ZNF688: variants seen among roughly 807,000 people sequenced by gnomAD.
ZNF688 encodes the protein zinc finger protein 688.
A neutral mutation model predicts 13.2 loss-of-function variants in ZNF688; 10 were observed. The observed-to-expected ratio is 0.76, with a 90% CI of 0.47 to 1.28. ZNF688 has a LOEUF of 1.28. Among genes scored for constraint, ZNF688 ranks in the 50% most tolerant of loss-of-function variants. The pLI, the probability that ZNF688 is intolerant of heterozygous loss-of-function variation, is 0.00. For missense variants in ZNF688, 381 were observed against 391.4 expected (o/e 0.97, Z 0.22); for synonymous variants, 160 against 159.4 (o/e 1.00, Z -0.03).
Position 30,570,124 on chromosome 16 carries a change from T to TC in ZNF688, c.622dup (p.Glu208GlyfsTer51). 1.9e-6 allele frequency: 3 copies of TC among 1,611,188 alleles called. No homozygotes were observed. The highest frequency in any genetic ancestry group is 1.7e-6 in the Non-Finnish European group (2 of 1,178,784). ...ACACTCGGGGCAGGGGAAAGGCCGC[T>TC]CCCCCGAGTGCATGCGCCTGTGGCT... is the stretch of plus-strand genomic sequence containing the variant. On this transcript the variant is annotated frameshift_variant, in exon 3 of 3. Coordinates refer to ENST00000223459, the MANE Select transcript of ZNF688 (RefSeq NM_145271.4). LOFTEE classifies it high-confidence loss of function.
At chr16:30,573,910 GA>G, upstream of ZNF688, 2 of 353,874 alleles carry the variant, frequency 5.7e-6, no homozygotes, top group Non-Finnish European at 1.1e-5. Context: ...ATTATATAAG[GA>G]AAAATATATC....
rs967575710 is a variant in ZNF688, at chr16:30,569,912, C to A, written c.*4G>T. 4 of 1,526,674 alleles carry A rather than the reference C, an allele frequency of 2.6e-6. No homozygotes were observed. Among genetic ancestry groups the A allele is most frequent in the Non-Finnish European group, 3.5e-6 (4 of 1,137,458 alleles). 94.6% of individuals were successfully genotyped at this position (1,526,674 alleles called of 1,614,324 possible). On this transcript the variant is annotated 3_prime_UTR_variant, in exon 3 of 3. Coordinates refer to ENST00000223459, the MANE Select transcript of ZNF688 (RefSeq NM_145271.4). ...TCAGGCTCAACTCCAGCCTGCGGTG[C>A]CGCTCAGCCGCACTCCTCGAAGATG...
At position 30,570,257 on chromosome 16, in the gene ZNF688, CT is replaced by C. The variant is rs780078848; in HGVS notation, c.489del (p.Gly164GlufsTer173). ...PPKNAAWDPT[T>X]GAQPPAPIPS... is the part of the protein sequence containing the mutation. ...GGTATGGGTGCCGGGGGCTGTGCTCCTGTGGTCGGGTCCCAGGCAGCATTTT... is the reference window on the plus strand; with the variant it reads ...GGTATGGGTGCCGGGGGCTGTGCTCCGTGGTCGGGTCCCAGGCAGCATTTT... On this transcript the variant is annotated frameshift_variant, in exon 3 of 3. Coordinates refer to ENST00000223459, the MANE Select transcript of ZNF688 (RefSeq NM_145271.4). LOFTEE classifies it low-confidence loss of function (END_TRUNC). 6.2e-7 allele frequency: 1 copy of C among 1,613,742 alleles called. No homozygotes were observed. The highest frequency in any genetic ancestry group is 1.1e-5 in the South Asian group (1 of 91,060).
chr16:30,570,722 A>ATTATTTAT (rs3072029), intron 2 of ZNF688: 27,725 of 299,804 alleles, frequency 0.092, 2,985 homozygotes, highest in African/African-American at 0.32. Context: ...AGCAGGGGCT[A>ATTATTTAT]TTATTTATTT....
chr16:30,570,319 G>C lies in ZNF688; in HGVS notation c.428C>G (p.Ala143Gly). 6.2e-7 allele frequency: 1 copy of C among 1,614,144 alleles called. No individual in the cohort carries two copies. Among genetic ancestry groups the C allele is most frequent in the Non-Finnish European group, 8.5e-7 (1 of 1,180,038 alleles). ...EVLVERNPDPAISVAPARAQP... is the reference protein window; with the variant it reads ...EVLVERNPDPGISVAPARAQP... Reference sequence around the variant, plus strand: ...TGCCCGTGCCGGGGCCACGCTAATAGCTGGGTCAGGGTTGCGTTCCACCAG... The same window carrying C: ...TGCCCGTGCCGGGGCCACGCTAATACCTGGGTCAGGGTTGCGTTCCACCAG... Residue 143 changes from alanine to glycine, a missense_variant, in exon 3 of 3, where the codon GCT becomes GGT. By Grantham distance (60) the Ala-to-Gly change is moderately conservative (BLOSUM62 0). Transcript: ENST00000223459.
upstream of ZNF688, among the ~76,000 whole-genome samples, chr16:30,577,520 C>T (rs932290421): frequency 6.0e-5 from 9 of 150,160 alleles, no homozygotes; most frequent in African/African-American, 2.0e-4. Flanking sequence ...GCTGGGATTA[C>T]AGGCACGCAT....
chr16:30,574,833 C>G (rs1326611359), upstream of ZNF688, among the ~76,000 whole-genome samples: 1 of 152,080 alleles, frequency 6.6e-6, no homozygotes, highest in East Asian at 1.9e-4. Context: ...TATGTTTGTA[C>G]CCATTACCCA....
rs2051655728 is a variant in ZNF688, at chr16:30,570,383, C to T, written c.364G>A (p.Gly122Arg). Residue 122 changes from glycine to arginine, a missense_variant, in exon 3 of 3, where the codon GGG becomes AGG. Transcript: ENST00000223459. ...TCCTTCACAGGAGCCTTTCTAGGCC[C>T]TTTGGCTCTTGGGACTTCCTCCGGT... Reference protein sequence around the residue: ...EEPEEVPRAKGPRKAPVKESP... With the variant: ...EEPEEVPRAKRPRKAPVKESP... The T allele has an allele frequency of 1.2e-6, 2 of 1,613,748 alleles. No homozygotes were observed. The highest frequency in any genetic ancestry group is 2.7e-5 in the African/African-American group (2 of 74,936).
upstream of ZNF688, chr16:30,573,871 C>A: frequency 2.6e-6 from 1 of 390,572 alleles, no homozygotes; most frequent in Non-Finnish European, 5.1e-6. Flanking sequence ...AACTGCCTCA[C>A]TGCACTCCAT....
chr16:30,576,168 C>A (rs2051744598), upstream of ZNF688, among the ~76,000 whole-genome samples: 1 of 152,232 alleles, frequency 6.6e-6, no homozygotes, highest in East Asian at 1.9e-4. Context: ...CTGCCTCAGC[C>A]TCCTGAGTAG....
At chr16:30,578,268 G>A in the ZNF688 span, 3 of 152,248 alleles carry the variant, frequency 2.0e-5, no homozygotes, top group East Asian at 1.9e-4. Flanking sequence ...CCAGGAGGTC[G>A]AGGCTGCAGT....
chr16:30,570,496 T>C, intron 2 of ZNF688, 60 bp from the exon 3 acceptor site: 8 of 1,544,150 alleles, frequency 5.2e-6, no homozygotes, highest in Non-Finnish European at 7.0e-6. Context: ...TCTCAGGTTA[T>C]AGAATGCTTT....
upstream of ZNF688, chr16:30,573,886 T>G: frequency 2.6e-6 from 1 of 382,686 alleles, no homozygotes; most frequent in South Asian, 2.0e-5. Context: ...CTCCATGTGG[T>G]GAATACTGTA....
chr16:30,572,486 T>C, upstream of ZNF688: 1 of 441,110 alleles, frequency 2.3e-6, no homozygotes, highest in Non-Finnish European at 3.9e-6. Flanking sequence ...GCTCAGGCTC[T>C]AGACCGAAGC....
At chr16:30,572,235 G>C (rs778069014), upstream of ZNF688, 3 of 1,598,140 alleles carry the variant, frequency 1.9e-6, no homozygotes, top group South Asian at 1.1e-5. Flanking sequence ...CGGTCCTGAA[G>C]CCTCTGTTGA....
upstream of ZNF688, chr16:30,572,853 T>A (rs960977015): frequency 6.6e-6 from 1 of 152,666 alleles, no homozygotes; most frequent in Non-Finnish European, 1.5e-5. Context: ...ATTACAGGCA[T>A]GCGCCACGGT....
upstream of ZNF688, among the ~76,000 whole-genome samples, chr16:30,575,248 CTT>C (rs35676278): frequency 2.3e-3 from 318 of 139,788 alleles, no homozygotes; most frequent in Non-Finnish European, 3.0e-3. Context: ...CATGGTAGTT[CTT>C]TTTTTTTTTT....
chr16:30,571,071 C>A lies in ZNF688; in HGVS notation c.249G>T (p.Glu83Asp). Reference protein sequence around the residue: ...ALISWMEQESEAWSPAAQDPE... With the variant: ...ALISWMEQESDAWSPAAQDPE... ...GATCCTGGGCGGCGGGGCTCCAAGC[C>A]TCACTCTCCTGTTCCATCCAAGAGA... Residue 83 changes from glutamate to aspartate, a missense_variant, in exon 2 of 3, where the codon GAG becomes GAT. Glu to Asp is a conservative substitution (Grantham distance 45, BLOSUM62 2). Coordinates refer to ENST00000223459, the MANE Select transcript of ZNF688 (RefSeq NM_145271.4). The A allele has an allele frequency of 6.2e-7, 1 of 1,610,604 alleles. No individual in the cohort carries two copies. The highest frequency in any genetic ancestry group is 8.5e-7 in the Non-Finnish European group (1 of 1,178,782).
rs142312247 is a variant in ZNF688 at position 30,570,262 on chromosome 16, G to C, written c.485C>G (p.Thr162Ser). ...GGGTGCCGGGGGCTGTGCTCCTGTG[G>C]TCGGGTCCCAGGCAGCATTTTTGGG... Reference protein sequence around the residue: ...QPPKNAAWDPTTGAQPPAPIP... With the variant: ...QPPKNAAWDPSTGAQPPAPIP... Residue 162 changes from threonine (T) to serine (S), a missense_variant, in exon 3 of 3, where the codon ACC (threonine) becomes AGC (serine). Transcript: ENST00000223459. 3.1e-6 allele frequency: 5 copies of C among 1,613,706 alleles called. No homozygotes were observed. In the African/African-American group the frequency reaches 6.7e-5, roughly 22 times the overall value.
Sources: allele counts gnomAD v4.1 joint callset (sites outside exome capture counted in the v4.1 genomes callset), GRCh38; gene constraint gnomAD v4.1.1; transcripts MANE v1.5; gene names NCBI Gene and HGNC (gene_info 2026-07-23, HGNC 2026-07-21).